Variants in PRKCB observed in about 807,000 individuals in gnomAD.
PRKCB encodes protein kinase C beta type.
A neutral mutation model predicts 81.5 loss-of-function variants in PRKCB; 13 were observed. The ratio of observed to expected loss-of-function variants is 0.16; its 90% CI spans 0.10 to 0.25. PRKCB has a LOEUF of 0.25. PRKCB is among the 10% of genes least tolerant of loss of function. The pLI is 1.00. For missense variants in PRKCB, 509 were observed against 875.7 expected, an observed-to-expected ratio of 0.58 and a Z score of 5.29; for synonymous variants, 335 against 321.4, an observed-to-expected ratio of 1.04 and a Z score of -0.45.
At chr16:24,188,522 AAC>A in intron 15 of PRKCB, among the ~76,000 whole-genome samples, 1 of 152,256 alleles carries the variant, frequency 6.6e-6, no homozygotes, top group East Asian at 1.9e-4. Context: ...AGCTTTTGAA[AAC>A]AGTCACCTGT....
intron 16 of PRKCB, among the ~76,000 whole-genome samples, chr16:24,198,609 G>T (rs546683671): frequency 6.6e-6 from 1 of 152,124 alleles, no homozygotes; most frequent in Non-Finnish European, 1.5e-5. Context: ...AAGTGCTGGG[G>T]GTTACAGGCG....
chr16:23,993,001 G>T (rs566408241), intron 3 of PRKCB, among the ~76,000 whole-genome samples: 2 of 152,194 alleles, frequency 1.3e-5, no homozygotes, highest in South Asian at 2.1e-4. Context: ...AACTAACCCT[G>T]CATTGCCCTA....
At chr16:24,190,518 GGTTTT>G (rs1967773922) in intron 15 of PRKCB, among the ~76,000 whole-genome samples, 1 of 136,086 alleles carries the variant, frequency 7.3e-6, no homozygotes, top group Non-Finnish European at 1.6e-5. Context: ...TTGTTTTTTT[GGTTTT>G]GTTTTTTTTT....
At chr16:24,127,401 C>T (rs1210873280) in intron 9 of PRKCB, among the ~76,000 whole-genome samples, 1 of 152,196 alleles carries the variant, frequency 6.6e-6, no homozygotes, top group Non-Finnish European at 1.5e-5. Flanking sequence ...CCCAAGTTCA[C>T]GTCTTTCTCT....
intron 2 of PRKCB, among the ~76,000 whole-genome samples, chr16:23,879,460 TG>T (rs1555481344): frequency 4.2e-5 from 4 of 96,342 alleles, no homozygotes; most frequent in Admixed American, 1.0e-4. Context: ...AATAAACCTT[TG>T]TTGTTGGTCC....
chr16:23,918,380 T>TAA (rs918524293), intron 2 of PRKCB, among the ~76,000 whole-genome samples: 1 of 151,072 alleles, frequency 6.6e-6, no homozygotes, highest in Non-Finnish European at 1.5e-5. Flanking sequence ...GTGTTACCTT[T>TAA]TTATTATTAT....
intron 16 of PRKCB, among the ~76,000 whole-genome samples, chr16:24,214,199 G>A (rs1477151812): frequency 6.6e-6 from 1 of 152,220 alleles, no homozygotes; most frequent in African/African-American, 2.4e-5. Context: ...TGAGGGGTCT[G>A]CTGCTATAAA....
chr16:24,009,411 C>T (rs1305095053), intron 3 of PRKCB, among the ~76,000 whole-genome samples: 1 of 151,122 alleles, frequency 6.6e-6, no homozygotes, highest in African/African-American at 2.4e-5. Flanking sequence ...TTATCTCACA[C>T]TTGTTAGGAT....
intron 11 of PRKCB, among the ~76,000 whole-genome samples, chr16:24,172,653 C>A (rs2141966363): frequency 6.6e-6 from 1 of 152,166 alleles, no homozygotes; most frequent in South Asian, 2.1e-4. Context: ...AGAGGCCAGC[C>A]TGGGCACCAT....
At chr16:23,838,840 G>C (rs1192134769) in intron 2 of PRKCB, among the ~76,000 whole-genome samples, 1 of 152,212 alleles carries the variant, frequency 6.6e-6, no homozygotes, top group Non-Finnish European at 1.5e-5. Flanking sequence ...GTCTTACCAA[G>C]ATTTGGATCC....
rs183697266 is a variant in PRKCB at position 24,031,962 on chromosome 16, A to G, written c.289-174A>G. 745 of 533,550 alleles carry G rather than the reference A, an allele frequency of 1.4e-3. 3 individuals are homozygous for G. The highest frequency in any genetic ancestry group is 2.2e-3 in the Non-Finnish European group (662 of 298,626). 33.1% of individuals were successfully genotyped at this position (533,550 alleles called of 1,614,324 possible). ...TTTGTCCTTCATTCCTTCCACAACT[A>G]TTTATCCAGCACCGTTTCTGGGCAC... is the stretch of plus-strand genomic sequence containing the variant. On this transcript the variant is annotated intron_variant, in intron 3 of 16. Transcript: ENST00000643927.
Position 24,006,307 on chromosome 16 carries a change from C to G in PRKCB, c.288+17717C>G, listed in dbSNP as rs570707223. Among the ~76,000 whole-genome samples the G allele has an allele frequency of 3.3e-5, 5 of 152,298 alleles. No homozygotes were observed. In the South Asian group the frequency reaches 1.0e-3, roughly 32 times the overall value. ...ACTGTCATCAAATGTCCAAAGAGCT[C>G]TTGTACAGAATTTTTGTGGTGCAGT... On this transcript the variant is annotated intron_variant, in intron 3 of 16. Transcript: ENST00000643927.
chr16:24,011,766 T>C (rs368765090), intron 3 of PRKCB, among the ~76,000 whole-genome samples: 3 of 152,188 alleles, frequency 2.0e-5, no homozygotes, highest in Non-Finnish European at 4.4e-5. Flanking sequence ...ATTACAGGCA[T>C]GAACCATTGT....
Position 23,868,045 on chromosome 16 carries a change from G to T in PRKCB, c.205+30639G>T, listed in dbSNP as rs114552232. On this transcript the variant is annotated intron_variant, in intron 2 of 16. Transcript: ENST00000643927. ...GATGTAGATCTTCCCCTACGGATTT[G>T]TTTTCTGAAGATCTCCTTATACACT... Among the ~76,000 whole-genome samples the T allele has an allele frequency of 3.0e-3, 454 of 152,010 alleles. 4 individuals carry two copies. Among genetic ancestry groups the T allele is most frequent in the African/African-American group, 0.011 (439 of 41,424 alleles).
chr16:24,192,236 C>G (rs762738174), intron 16 of PRKCB, among the ~76,000 whole-genome samples: 7 of 152,226 alleles, frequency 4.6e-5, no homozygotes, highest in Non-Finnish European at 1.0e-4. Context: ...GCATAAAGCA[C>G]TTTGTACAAG....
chr16:24,106,036 T>TA (rs1399995786), intron 7 of PRKCB, among the ~76,000 whole-genome samples: 1 of 152,144 alleles, frequency 6.6e-6, no homozygotes, highest in African/African-American at 2.4e-5. Flanking sequence ...AAATCAGTGT[T>TA]ATATTACTTT....
chr16:24,130,857 A>T (rs1003714326), intron 9 of PRKCB, among the ~76,000 whole-genome samples: 11 of 152,174 alleles, frequency 7.2e-5, no homozygotes, highest in Non-Finnish European at 4.4e-5. Context: ...ACTTCAGTGC[A>T]AAGGAGGCCG....
At chr16:24,068,269 A>G (rs1966062793) in intron 5 of PRKCB, among the ~76,000 whole-genome samples, 2 of 152,144 alleles carry the variant, frequency 1.3e-5, no homozygotes, top group African/African-American at 4.8e-5. Flanking sequence ...CTCAAGAGAA[A>G]AATCAATGCC....
intron 5 of PRKCB, among the ~76,000 whole-genome samples, chr16:24,070,776 TCCTGAGGCCAAGC>T (rs918344645): frequency 6.6e-6 from 1 of 152,162 alleles, no homozygotes; most frequent in Non-Finnish European, 1.5e-5. Context: ...GTCTGTTTGA[TCCTGAGGCCAAGC>T]CCTTGGCCAG....
Sources: gnomAD v4.1 joint callset for allele counts (sites outside exome capture counted in the v4.1 genomes callset) on GRCh38, gnomAD v4.1.1 for gene constraint, MANE v1.5 for transcripts, NCBI Gene and HGNC (gene_info 2026-07-23, HGNC 2026-07-21) for gene names.